PRKCI: variants seen among roughly 807,000 people sequenced by gnomAD.
The protein encoded by PRKCI is protein kinase C iota type.
Under a neutral mutation model 84.0 loss-of-function variants are expected in PRKCI, and 43 were observed. The observed-to-expected ratio is 0.51, with a 90% CI of 0.40 to 0.66. The LOEUF is 0.66. Ranked by LOEUF, PRKCI falls within the 30% of genes least tolerant of loss-of-function variation. PRKCI has a pLI of 0.00. For synonymous variants in PRKCI, 216 were observed against 234.4 expected (o/e 0.92, Z 0.72); for missense variants, 459 against 745.6 (o/e 0.62, Z 4.48).
At chr3:170,265,726 C>T (rs1372675254) in intron 4 of PRKCI, among the ~76,000 whole-genome samples, 1 of 151,650 alleles carries the variant, frequency 6.6e-6, no homozygotes, top group African/African-American at 2.4e-5. Flanking sequence ...GCCATTCAGC[C>T]TCCTGAGTAG....
At chr3:170,267,731 A>C (rs186374353) in intron 4 of PRKCI, among the ~76,000 whole-genome samples, 184 bp from the exon 5 acceptor site, 7 of 149,716 alleles carry the variant, frequency 4.7e-5, no homozygotes, top group Admixed American at 4.0e-4. Flanking sequence ...AAATATTTAT[A>C]CTCTGTGGTC....
intron 12 of PRKCI, among the ~76,000 whole-genome samples, chr3:170,285,224 C>T (rs1734347867): frequency 1.3e-5 from 2 of 151,804 alleles, no homozygotes; most frequent in Admixed American, 6.6e-5. Flanking sequence ...GGACTACAGG[C>T]GCCTGCCACC....
In PRKCI at chr3:170,242,116, A is replaced by T. The variant is rs185967172; in HGVS notation, c.223+6765A>T. Among the ~76,000 whole-genome samples, 102 of 152,054 alleles carry T rather than the reference A, an allele frequency of 6.7e-4. No homozygotes were observed. The South Asian group carries it at 7.3e-3, about 11-fold the overall frequency. The stretch of plus-strand genomic sequence containing the variant: ...AATAGCAAAACTCCGTCTCAAAAAA[A>T]TTTTTTTTGTAGAGACAGGGTCTTG... On this transcript the variant is annotated intron_variant, in intron 2 of 17. Coordinates refer to ENST00000295797, the MANE Select transcript of PRKCI (RefSeq NM_002740.6).
chr3:170,229,602 A>T (rs952075560), intron 1 of PRKCI, among the ~76,000 whole-genome samples: 7 of 152,110 alleles, frequency 4.6e-5, no homozygotes, highest in Admixed American at 3.9e-4. Flanking sequence ...CAGCCACCAT[A>T]ATATGTTTAA....
In PRKCI at chr3:170,303,307, A is replaced by T; in HGVS notation, c.*180A>T. ...TCTGTTTTACTATGAAAAAAAAATT[A>T]ATACTACTAGCTTCCAGACAATCAT... On this transcript the variant is annotated 3_prime_UTR_variant, in exon 18 of 18. Transcript: ENST00000295797. 1 of 402,236 alleles carries T rather than the reference A, an allele frequency of 2.5e-6. No individual in the cohort carries two copies. Among genetic ancestry groups the T allele is most frequent in the Non-Finnish European group, 4.4e-6 (1 of 229,548 alleles). 24.9% of individuals were successfully genotyped at this position (402,236 alleles called of 1,614,324 possible).
intron 1 of PRKCI, among the ~76,000 whole-genome samples, chr3:170,225,839 T>G (rs1331312041): frequency 6.6e-6 from 1 of 152,078 alleles, no homozygotes; most frequent in African/African-American, 2.4e-5. Flanking sequence ...TTAAGCTTGA[T>G]CTCAGTGAAA....
At chr3:170,259,820 T>C (rs1210590061) in intron 2 of PRKCI, 149 bp from the exon 3 acceptor site, 1 of 396,512 alleles carries the variant, frequency 2.5e-6, no homozygotes, top group Non-Finnish European at 4.5e-6. Flanking sequence ...ATAATAATAA[T>C]AATAAGTAAA....
intron 12 of PRKCI, among the ~76,000 whole-genome samples, chr3:170,287,334 T>C (rs564801179): frequency 6.7e-6 from 1 of 149,724 alleles, no homozygotes; most frequent in African/African-American, 2.4e-5. Flanking sequence ...AATATATATA[T>C]ATATAGAGAG....
chr3:170,289,372 CAG>C (rs1734479577), intron 12 of PRKCI, among the ~76,000 whole-genome samples: 1 of 152,146 alleles, frequency 6.6e-6, no homozygotes, highest in South Asian at 2.1e-4. Flanking sequence ...TTATATATAA[CAG>C]GGTGAAATTT....
chr3:170,228,520 A>G (rs1053246883), intron 1 of PRKCI, among the ~76,000 whole-genome samples: 1 of 151,912 alleles, frequency 6.6e-6, no homozygotes, highest in African/African-American at 2.4e-5. Context: ...GGCTGCAGTG[A>G]GCTGTGATTG....
At chr3:170,293,534 T>G (rs1448613544) in intron 14 of PRKCI, 26 bp downstream of exon 14, 6 of 1,606,326 alleles carry the variant, frequency 3.7e-6, no homozygotes, top group Admixed American at 1.7e-5. Flanking sequence ...TTACAGAGAT[T>G]CTCTGAGAAA....
At chr3:170,246,645 A>C (rs1201753914) in intron 2 of PRKCI, among the ~76,000 whole-genome samples, 3 of 152,120 alleles carry the variant, frequency 2.0e-5, no homozygotes, top group Admixed American at 1.3e-4. Context: ...ACCCTTTAAA[A>C]ATTTTTTTAT....
chr3:170,238,457 C>A, intron 2 of PRKCI, among the ~76,000 whole-genome samples: 1 of 138,332 alleles, frequency 7.2e-6, no homozygotes, highest in Admixed American at 7.3e-5. Flanking sequence ...CAATTTGCAT[C>A]ATTACTCTTT....
chr3:170,282,885 T>A (rs1316892488), intron 11 of PRKCI, among the ~76,000 whole-genome samples: 1 of 151,532 alleles, frequency 6.6e-6, no homozygotes, highest in Non-Finnish European at 1.5e-5. Context: ...GGCGGGTGGA[T>A]CATGAGGTCA....
At chr3:170,285,083 T>C (rs1041942957) in intron 12 of PRKCI, among the ~76,000 whole-genome samples, 4 of 150,294 alleles carry the variant, frequency 2.7e-5, no homozygotes, top group Non-Finnish European at 5.9e-5. Context: ...CATTTCTTTT[T>C]TTTTTTTTTT....
At chr3:170,231,712 A>G (rs1480815209) in intron 1 of PRKCI, among the ~76,000 whole-genome samples, 1 of 151,978 alleles carries the variant, frequency 6.6e-6, no homozygotes, top group Non-Finnish European at 1.5e-5. Flanking sequence ...TAATCCACCC[A>G]CCTTGGCCTC....
rs537600152 is a variant in PRKCI at position 170,226,325 on chromosome 3, C to T, written c.101+3555C>T. The stretch of plus-strand genomic sequence containing the variant: ...ATGGCCTGCACCCGTCTTTTCCTAG[C>T]AAGGAAGCTTTTCAGTGAGGGGCCT... On this transcript the variant is annotated intron_variant, in intron 1 of 17. Transcript: ENST00000295797. 1.0e-3 allele frequency among the ~76,000 whole-genome samples: 152 copies of T among 152,288 alleles called. 1 individual carries two copies. The highest frequency in any genetic ancestry group is 3.2e-3 in the African/African-American group (135 of 41,556).
intron 2 of PRKCI, among the ~76,000 whole-genome samples, chr3:170,250,494 C>G (rs1733417102): frequency 7.1e-6 from 1 of 140,308 alleles, no homozygotes; most frequent in South Asian, 2.4e-4. Flanking sequence ...TCCCCCCTAC[C>G]CCTTTCTCTG....
chr3:170,275,193 T>G, intron 7 of PRKCI, 36 bp from the exon 8 acceptor site: 1 of 1,480,718 alleles, frequency 6.8e-7, no homozygotes, highest in Non-Finnish European at 8.9e-7. Context: ...GCACCTTTTT[T>G]TTTTTTTTTT....
Sources: allele counts gnomAD v4.1 joint callset (sites outside exome capture counted in the v4.1 genomes callset), GRCh38; gene constraint gnomAD v4.1.1; transcripts MANE v1.5; gene names NCBI Gene and HGNC (gene_info 2026-07-23, HGNC 2026-07-21).